Variants in WDR70 observed in about 807,000 individuals in gnomAD.
The protein encoded by WDR70 is WD repeat domain 70.
In WDR70, 53 loss-of-function variants were observed where a neutral mutation model predicts 88.6. That is an observed-to-expected ratio of 0.60 (90% CI 0.48 to 0.75). WDR70 has a LOEUF of 0.75. Among genes scored for constraint, WDR70 ranks in the 30% least tolerant of loss-of-function variants. The probability of loss-of-function intolerance (pLI) is 0.00; values close to 1 mark genes in which losing one functional copy is unlikely to be tolerated. For synonymous variants in WDR70, 280 were observed against 270.0 expected (o/e 1.04, Z -0.36); for missense variants, 610 against 823.2 (o/e 0.74, Z 3.17).
intron 5 of WDR70, among the ~76,000 whole-genome samples, chr5:37,413,503 A>G (rs1749590101): frequency 6.6e-6 from 1 of 152,084 alleles, no homozygotes; most frequent in Non-Finnish European, 1.5e-5. Flanking sequence ...TGGGCAGATC[A>G]TGAGGTCAGG....
chr5:37,633,845 A>G (rs1020518778), intron 10 of WDR70, among the ~76,000 whole-genome samples: 6 of 152,178 alleles, frequency 3.9e-5, no homozygotes, highest in Non-Finnish European at 7.3e-5. Context: ...ACATGCTTAC[A>G]CAGTAGTCCT....
chr5:37,457,255 C>G (rs1451137144), intron 7 of WDR70, among the ~76,000 whole-genome samples: 2 of 152,160 alleles, frequency 1.3e-5, no homozygotes, highest in Non-Finnish European at 2.9e-5. Flanking sequence ...ACCACCATGC[C>G]TGGCTAATAT....
intron 9 of WDR70, among the ~76,000 whole-genome samples, chr5:37,603,353 C>T (rs1224146392): frequency 1.3e-5 from 2 of 152,080 alleles, no homozygotes; most frequent in East Asian, 3.8e-4. Context: ...AACAAAGATG[C>T]CAAGAACACA....
At chr5:37,653,232 T>C (rs1011609181) in intron 10 of WDR70, among the ~76,000 whole-genome samples, 15 of 152,222 alleles carry the variant, frequency 9.9e-5, no homozygotes, top group Non-Finnish European at 2.2e-4. Flanking sequence ...GTTCGTGTGA[T>C]GGATTATTTT....
intron 10 of WDR70, among the ~76,000 whole-genome samples, chr5:37,618,261 A>G (rs546991902): frequency 9.8e-5 from 15 of 152,372 alleles, no homozygotes; most frequent in Non-Finnish European, 1.9e-4. Flanking sequence ...ATATTGAATA[A>G]GCAGATTCAA....
In WDR70 at chr5:37,453,616, G is replaced by T. The variant is rs1440626875; in HGVS notation, c.686+10244G>T. Among the ~76,000 whole-genome samples, 2 of 152,222 alleles carry T rather than the reference G, an allele frequency of 1.3e-5. 1 individual carries two copies. The stretch of plus-strand genomic sequence containing the variant: ...ACATGTCACAGTGCTGCAGAGATTT[G>T]TTTATGGCCAGTTTTGGGGCCAGTT... On this transcript the variant is annotated intron_variant, in intron 7 of 17. Coordinates refer to ENST00000265107, the MANE Select transcript of WDR70 (RefSeq NM_018034.4).
rs530245810 is a variant in WDR70, at chr5:37,703,274, A to G, written c.1416+187A>G. 3.3e-5 allele frequency among the ~76,000 whole-genome samples: 5 copies of G among 151,690 alleles called. No individual in the cohort carries two copies. The East Asian group carries it at 7.8e-4, about 24-fold the overall frequency. On this transcript the variant is annotated intron_variant, in intron 13 of 17. Transcript: ENST00000265107. ...CTGAGCTACCCTATCCCTTTCCACA[A>G]CCCAATATTTCCTATGGACCTACAC...
At chr5:37,400,512 AC>A (rs1561838037) in intron 5 of WDR70, among the ~76,000 whole-genome samples, 83 of 152,248 alleles carry the variant, frequency 5.5e-4, no homozygotes, top group African/African-American at 2.0e-3. Context: ...AAAAAGAGTC[AC>A]CAGAAAGCGT....
intron 17 of WDR70, among the ~76,000 whole-genome samples, chr5:37,734,374 A>T (rs1286958276): frequency 2.0e-5 from 3 of 152,134 alleles, no homozygotes. Flanking sequence ...TTGAAAACAC[A>T]CAAGATGTTA....
At chr5:37,534,134 A>G (rs950098445) in intron 9 of WDR70, among the ~76,000 whole-genome samples, 2 of 152,300 alleles carry the variant, frequency 1.3e-5, no homozygotes, top group South Asian at 2.1e-4. Flanking sequence ...GACACACCCT[A>G]GTACCAGCCT....
intron 10 of WDR70, among the ~76,000 whole-genome samples, chr5:37,639,576 G>T (rs999211204): frequency 5.3e-5 from 8 of 152,074 alleles, no homozygotes; most frequent in African/African-American, 1.9e-4. Context: ...GTCTAAGTTT[G>T]TTGTACAATT....
chr5:37,694,382 T>C (rs1355655418), intron 10 of WDR70, among the ~76,000 whole-genome samples: 1 of 152,206 alleles, frequency 6.6e-6, no homozygotes, highest in Non-Finnish European at 1.5e-5. Flanking sequence ...TATGCTCCTA[T>C]AGAGACACGT....
At chr5:37,487,628 T>TATATA (rs1491104958) in intron 8 of WDR70, among the ~76,000 whole-genome samples, 82 of 4,994 alleles carry the variant, frequency 0.016, no homozygotes, top group African/African-American at 0.03. Context: ...TATATATGTA[T>TATATA]TTTTTTTTTT....
intron 9 of WDR70, among the ~76,000 whole-genome samples, chr5:37,579,565 C>T (rs1366835615): frequency 3.0e-5 from 4 of 134,444 alleles, no homozygotes; most frequent in Non-Finnish European, 6.1e-5. Context: ...GCCTGGCAAC[C>T]GAGTGAGACT....
At chr5:37,696,169 G>T (rs1277046815) in intron 10 of WDR70, among the ~76,000 whole-genome samples, 1 of 152,078 alleles carries the variant, frequency 6.6e-6, no homozygotes, top group East Asian at 1.9e-4. Context: ...CTGAGTGTCT[G>T]CCATACATAC....
chr5:37,512,176 C>T (rs537524469), intron 8 of WDR70, among the ~76,000 whole-genome samples: 1 of 152,192 alleles, frequency 6.6e-6, no homozygotes, highest in East Asian at 1.9e-4. Flanking sequence ...TCTGTCTTTA[C>T]ATAGCCTTCT....
intron 10 of WDR70, among the ~76,000 whole-genome samples, chr5:37,668,936 CCT>C (rs1170732899): frequency 2.6e-5 from 4 of 152,128 alleles, no homozygotes. Context: ...AGTAGAGAAC[CCT>C]CCTGGAAGAT....
At chr5:37,566,518 A>G (rs1742746835) in intron 9 of WDR70, among the ~76,000 whole-genome samples, 1 of 152,160 alleles carries the variant, frequency 6.6e-6, no homozygotes, top group Admixed American at 6.5e-5. Flanking sequence ...CATGGTACAA[A>G]CAACTATTTA....
At chr5:37,594,983 T>C (rs373907567) in intron 9 of WDR70, among the ~76,000 whole-genome samples, 2 of 152,336 alleles carry the variant, frequency 1.3e-5, no homozygotes, top group African/African-American at 4.8e-5. Context: ...TTTTTGCACA[T>C]TGATTTTTTA....
Sources: allele counts gnomAD v4.1 joint callset (sites outside exome capture counted in the v4.1 genomes callset), GRCh38; gene constraint gnomAD v4.1.1; transcripts MANE v1.5; gene names NCBI Gene and HGNC (gene_info 2026-07-23, HGNC 2026-07-21).